CNTN4: variants seen among roughly 807,000 people sequenced by gnomAD.
The protein encoded by CNTN4 is contactin-4.
In CNTN4, 77 loss-of-function variants were observed where a neutral mutation model predicts 122.5. That is an observed-to-expected ratio of 0.63 (90% CI 0.52 to 0.76). The LOEUF is 0.76. Among genes scored for constraint, CNTN4 ranks in the 30% least tolerant of loss-of-function variants. CNTN4 has a pLI of 0.00. For synonymous variants in CNTN4, 512 were observed against 447.0 expected, an observed-to-expected ratio of 1.15 and a Z score of -1.83; for missense variants, 1,256 against 1,259.1, an observed-to-expected ratio of 1.00 and a Z score of 0.04.
At chr3:2,621,275 T>G (rs1023976080) in intron 4 of CNTN4, among the ~76,000 whole-genome samples, 10 of 152,224 alleles carry the variant, frequency 6.6e-5, no homozygotes, top group Admixed American at 2.0e-4. Context: ...AAGGAAGTAT[T>G]CTGTTCTGCC....
rs1466006564 is a variant in CNTN4 at position 3,057,727 on chromosome 3, A to C, written c.*1507A>C. ...AAAAACTAGGGTGGTAACCGGAAAAAAATATTGTCAGTATTTCAAGCTGTG... is the reference window on the plus strand; with the variant it reads ...AAAAACTAGGGTGGTAACCGGAAAACAATATTGTCAGTATTTCAAGCTGTG... On this transcript the variant is annotated 3_prime_UTR_variant, in exon 25 of 25. Transcript: ENST00000418658. The C allele has an allele frequency of 4.6e-5, 7 of 152,600 alleles. No individual in the cohort carries two copies. The highest frequency in any genetic ancestry group is 1.7e-4 in the African/African-American group (7 of 41,442). The allele number at this position is 152,600 out of a possible 1,614,324, so 9.5% of individuals were successfully genotyped here.
chr3:2,302,415 G>A (rs1440273728), intron 2 of CNTN4, among the ~76,000 whole-genome samples: 1 of 152,026 alleles, frequency 6.6e-6, no homozygotes, highest in African/African-American at 2.4e-5. Context: ...GTGACAGAGC[G>A]AGACTCCATC....
chr3:2,962,809 A>G lies in CNTN4; in HGVS notation c.1359-25536A>G, dbSNP rs562043486. On this transcript the variant is annotated intron_variant, in intron 13 of 24. Coordinates refer to ENST00000418658, the MANE Select transcript of CNTN4 (RefSeq NM_175607.3). ...GAAAATGGATACTGAGTAGGCGAAA[A>G]CAACAACAATTAAAATAATGTTGAA... Among the ~76,000 whole-genome samples the G allele has an allele frequency of 2.0e-5, 3 of 152,334 alleles. No homozygotes were observed. In the East Asian group the frequency reaches 5.8e-4, roughly 29 times the overall value.
At chr3:2,357,824 A>T (rs905011629) in intron 3 of CNTN4, among the ~76,000 whole-genome samples, 1 of 152,208 alleles carries the variant, frequency 6.6e-6, no homozygotes, top group East Asian at 1.9e-4. Context: ...TCATCTTCTT[A>T]ATCCTGTATG....
chr3:2,317,884 A>G (rs868697909), intron 2 of CNTN4, among the ~76,000 whole-genome samples: 1 of 152,160 alleles, frequency 6.6e-6, no homozygotes, highest in Non-Finnish European at 1.5e-5. Context: ...TGAAAGTGTT[A>G]TCTTACTTTT....
rs372764776 is a variant in CNTN4 at position 2,405,132 on chromosome 3, A to G, written c.-89+65899A>G. 1.1e-4 allele frequency among the ~76,000 whole-genome samples: 16 copies of G among 152,262 alleles called. No homozygotes were observed. In the South Asian group the frequency reaches 3.3e-3, roughly 32 times the overall value. On this transcript the variant is annotated intron_variant, in intron 3 of 24. Transcript: ENST00000418658. ...TTCTTTCCATATTTCTTCCCAATGT[A>G]TGAATCCTATGAGATTATCATCCAG...
chr3:3,006,456 G>A (rs1696657714), intron 14 of CNTN4, among the ~76,000 whole-genome samples: 1 of 152,164 alleles, frequency 6.6e-6, no homozygotes, highest in Non-Finnish European at 1.5e-5. Context: ...GCCCCAACTA[G>A]AAGGTCCCTT....
chr3:2,349,922 A>C (rs1338667568), intron 3 of CNTN4, among the ~76,000 whole-genome samples: 1 of 152,186 alleles, frequency 6.6e-6, no homozygotes, highest in Non-Finnish European at 1.5e-5. Context: ...TTATATGAAC[A>C]GGATGAAATA....
chr3:2,597,955 T>C (rs1225947818), intron 4 of CNTN4, among the ~76,000 whole-genome samples: 1 of 152,232 alleles, frequency 6.6e-6, no homozygotes, highest in Non-Finnish European at 1.5e-5. Context: ...CCTTACCTAA[T>C]GAACTTTTTG....
chr3:2,408,717 A>G (rs1269136995), intron 3 of CNTN4, among the ~76,000 whole-genome samples: 2 of 152,176 alleles, frequency 1.3e-5, no homozygotes, highest in African/African-American at 2.4e-5. Context: ...TGACAAAAAT[A>G]TAGTATTTAT....
intron 10 of CNTN4, among the ~76,000 whole-genome samples, chr3:2,888,266 G>A (rs2094000732): frequency 6.6e-6 from 1 of 152,192 alleles, no homozygotes; most frequent in Non-Finnish European, 1.5e-5. Flanking sequence ...TGGCCATGAT[G>A]GGAGGGTAAT....
At chr3:2,758,109 G>A (rs935700577) in intron 6 of CNTN4, among the ~76,000 whole-genome samples, 3 of 152,066 alleles carry the variant, frequency 2.0e-5, no homozygotes, top group Non-Finnish European at 2.9e-5. Context: ...ATATCTTAAA[G>A]GCCCTTCTTT....
intron 3 of CNTN4, among the ~76,000 whole-genome samples, chr3:2,504,017 CTT>C (rs966079963): frequency 6.9e-6 from 1 of 145,766 alleles, no homozygotes; most frequent in African/African-American, 2.5e-5. Flanking sequence ...TAAAGCTTTT[CTT>C]TTTTTTTTTA....
intron 12 of CNTN4, among the ~76,000 whole-genome samples, chr3:2,919,669 G>C (rs1455889458): frequency 2.0e-5 from 3 of 152,116 alleles, no homozygotes; most frequent in Non-Finnish European, 4.4e-5. Flanking sequence ...GTTTGTATAA[G>C]AGTTTAAGAC....
chr3:2,996,811 A>T lies in CNTN4; in HGVS notation c.1486+8339A>T, dbSNP rs375120301. Among the ~76,000 whole-genome samples the T allele has an allele frequency of 6.6e-5, 10 of 152,194 alleles. No individual in the cohort carries two copies. The East Asian group carries it at 1.7e-3, about 26-fold the overall frequency. The stretch of plus-strand genomic sequence containing the variant: ...TTTCAGCTGTTTTATAATCAGTATG[A>T]TTTAGCTATGAATGCGATAAAATTC... On this transcript the variant is annotated intron_variant, in intron 14 of 24. Transcript: ENST00000418658.
At chr3:2,333,441 CTT>C (rs1185438643) in intron 2 of CNTN4, among the ~76,000 whole-genome samples, 1 of 152,218 alleles carries the variant, frequency 6.6e-6, no homozygotes, top group Non-Finnish European at 1.5e-5. Flanking sequence ...AAGGTAATGA[CTT>C]TTTTCTCACT....
At chr3:3,031,149 C>A (rs1480257900) in intron 16 of CNTN4, among the ~76,000 whole-genome samples, 174 bp downstream of exon 16, 2 of 152,204 alleles carry the variant, frequency 1.3e-5, no homozygotes, top group African/African-American at 4.8e-5. Context: ...TACAGTTCCT[C>A]AGTGCGGCTT....
intron 3 of CNTN4, among the ~76,000 whole-genome samples, chr3:2,517,024 T>C (rs527389344): frequency 6.6e-6 from 1 of 152,126 alleles, no homozygotes; most frequent in Admixed American, 6.6e-5. Context: ...CAAAGGAAAA[T>C]TGTGAGTGAA....
intron 4 of CNTN4, among the ~76,000 whole-genome samples, chr3:2,629,201 A>G (rs1014084663): frequency 1.3e-5 from 2 of 152,206 alleles, no homozygotes; most frequent in Admixed American, 1.3e-4. Flanking sequence ...AGGGAGACAT[A>G]CACAGAAAAG....
Sources: gnomAD v4.1 joint callset for allele counts (sites outside exome capture counted in the v4.1 genomes callset) on GRCh38, gnomAD v4.1.1 for gene constraint, MANE v1.5 for transcripts, NCBI Gene and HGNC (gene_info 2026-07-23, HGNC 2026-07-21) for gene names.